TAF3: variants seen among roughly 807,000 people sequenced by gnomAD.
The protein encoded by TAF3 is TATA-box binding protein associated factor 3, also known as transcription initiation factor TFIID subunit 3.
In TAF3, 7 loss-of-function variants were observed where a neutral mutation model predicts 80.6. The observed-to-expected ratio is 0.09, with a 90% CI of 0.05 to 0.16. The LOEUF is 0.16. TAF3 is among the 10% of genes least tolerant of loss of function. The pLI is 1.00. For synonymous variants in TAF3, 444 were observed against 446.1 expected, an observed-to-expected ratio of 1.00 and a Z score of 0.06; for missense variants, 921 against 1,140.2, an observed-to-expected ratio of 0.81 and a Z score of 2.77.
intron 2 of TAF3, among the ~76,000 whole-genome samples, chr10:7,861,022 C>T (rs930928272): frequency 7.3e-5 from 11 of 151,372 alleles, no homozygotes; most frequent in South Asian, 2.1e-4. Flanking sequence ...AGTGCAGTGG[C>T]GCCATCTCGG....
chr10:7,906,138 C>A (rs1419392521), intron 2 of TAF3, among the ~76,000 whole-genome samples: 1 of 152,134 alleles, frequency 6.6e-6, no homozygotes, highest in Non-Finnish European at 1.5e-5. Context: ...TGTGATATTT[C>A]ATCTCTTGTC....
intron 2 of TAF3, among the ~76,000 whole-genome samples, chr10:7,872,981 C>G (rs1198478882): frequency 6.6e-6 from 1 of 151,992 alleles, no homozygotes; most frequent in Non-Finnish European, 1.5e-5. Context: ...TATAATTTAT[C>G]CATAAATCCC....
intron 2 of TAF3, among the ~76,000 whole-genome samples, chr10:7,871,502 G>A (rs576208769): frequency 8.2e-6 from 1 of 122,256 alleles, no homozygotes; most frequent in Admixed American, 1.0e-4. Context: ...AGAGTGCAAT[G>A]GTGTGATCTC....
At chr10:7,985,661 G>A (rs1245742200) in intron 4 of TAF3, among the ~76,000 whole-genome samples, 1 of 152,044 alleles carries the variant, frequency 6.6e-6, no homozygotes, top group Non-Finnish European at 1.5e-5. Context: ...ACATGCAGCA[G>A]CTCTTATTGT....
At chr10:7,992,081 C>T (rs893351551) in intron 4 of TAF3, among the ~76,000 whole-genome samples, 78 of 152,206 alleles carry the variant, frequency 5.1e-4, no homozygotes, top group African/African-American at 1.8e-3. Context: ...CCTCTATAGA[C>T]TGTAGGCTCA....
At chr10:7,969,600 G>A (rs924380829) in intron 3 of TAF3, among the ~76,000 whole-genome samples, 2 of 152,034 alleles carry the variant, frequency 1.3e-5, no homozygotes, top group Admixed American at 6.6e-5. Flanking sequence ...AAAAATAAAT[G>A]CATTTTTAAA....
intron 2 of TAF3, among the ~76,000 whole-genome samples, chr10:7,909,241 G>T (rs570234994): frequency 6.6e-6 from 1 of 152,218 alleles, no homozygotes; most frequent in Admixed American, 6.5e-5. Flanking sequence ...CTGGGGCCCA[G>T]GCTCTGGGTT....
chr10:8,012,708 T>C lies in TAF3; in HGVS notation c.2569-1023T>C, dbSNP rs185605747. ...TTTCTTTAGGAAGTTTTCCTGTCAA[T>C]GTAGTTTGCCTTTGTAGAGTTGCCT... On this transcript the variant is annotated intron_variant, in intron 5 of 6. Transcript: ENST00000344293. Among the ~76,000 whole-genome samples, 7 of 152,324 alleles carry C rather than the reference T, an allele frequency of 4.6e-5. No homozygotes were observed. The East Asian group carries it at 1.3e-3, about 29-fold the overall frequency.
chr10:8,003,860 A>G (rs1008540945), intron 4 of TAF3, among the ~76,000 whole-genome samples: 1 of 152,150 alleles, frequency 6.6e-6, no homozygotes, highest in Non-Finnish European at 1.5e-5. Context: ...ACCCTGGGCA[A>G]CAGAGCAAGA....
chr10:7,965,901 A>G (rs1446901573), intron 3 of TAF3, among the ~76,000 whole-genome samples, 159 bp downstream of exon 3: 1 of 152,202 alleles, frequency 6.6e-6, no homozygotes, highest in African/African-American at 2.4e-5. Context: ...TTTTAATTCT[A>G]AAACCCATAA....
At chr10:7,916,598 A>G (rs1029546401) in intron 2 of TAF3, among the ~76,000 whole-genome samples, 1 of 152,186 alleles carries the variant, frequency 6.6e-6, no homozygotes, top group Non-Finnish European at 1.5e-5. Context: ...CTTGCAAAAG[A>G]CATGTTTTTA....
chr10:7,998,261 ATATG>A (rs530598861), intron 4 of TAF3, among the ~76,000 whole-genome samples: 38 of 58,942 alleles, frequency 6.4e-4, no homozygotes, highest in Middle Eastern at 7.8e-3. Flanking sequence ...ATATATATAT[ATATG>A]TATATATATA....
At chr10:7,824,969 AGTGAGTGAATC>A (rs1274547237) in intron 2 of TAF3, among the ~76,000 whole-genome samples, 8 of 152,240 alleles carry the variant, frequency 5.3e-5, no homozygotes, top group Non-Finnish European at 1.0e-4. Context: ...TACTGGAAAC[AGTGAGTGAATC>A]GTGAGTATTC....
intron 2 of TAF3, among the ~76,000 whole-genome samples, chr10:7,901,499 C>G (rs554022775): frequency 1.5e-4 from 23 of 152,326 alleles, no homozygotes; most frequent in Non-Finnish European, 2.6e-4. Context: ...TTGAAAACTA[C>G]TTTCCTTTGA....
At chr10:7,963,835 ATATT>A in intron 2 of TAF3, 81 bp from the exon 3 acceptor site, 2 of 1,279,048 alleles carry the variant, frequency 1.6e-6, no homozygotes, top group Non-Finnish European at 2.1e-6. Context: ...AAAAGAAATC[ATATT>A]TGAAGCATTG....
At chr10:7,875,644 C>A (rs1248312512) in intron 2 of TAF3, among the ~76,000 whole-genome samples, 1 of 152,090 alleles carries the variant, frequency 6.6e-6, no homozygotes, top group South Asian at 2.1e-4. Flanking sequence ...GGTCCTAATG[C>A]AATATTAAGA....
In TAF3 at chr10:7,963,934, C is replaced by A; in HGVS notation, c.424C>A (p.Gln142Lys). Residue 142 changes from glutamine (Q) to lysine (K), a missense_variant, in exon 3 of 7, where the codon CAG becomes AAG. Coordinates refer to ENST00000344293, the MANE Select transcript of TAF3 (RefSeq NM_031923.4). ...VSSQEEEEEE[Q>K]VPTDGGTSAE... ...TCCTTTACCAGAAGAAGAAGAAGAGCAGGTGCCCACTGATGGAGGCACATC... is the reference window on the plus strand; with the variant it reads ...TCCTTTACCAGAAGAAGAAGAAGAGAAGGTGCCCACTGATGGAGGCACATC... The A allele has an allele frequency of 6.3e-7, 1 of 1,580,526 alleles. No individual in the cohort carries two copies. Among genetic ancestry groups the A allele is most frequent in the Non-Finnish European group, 8.6e-7 (1 of 1,166,368 alleles).
chr10:7,989,366 A>G (rs1201071308), intron 4 of TAF3, among the ~76,000 whole-genome samples: 2 of 152,200 alleles, frequency 1.3e-5, no homozygotes, highest in Admixed American at 6.5e-5. Flanking sequence ...AACCCAGCAG[A>G]TGCCCTGAGC....
At chr10:7,828,767 C>T (rs1836768276) in intron 2 of TAF3, among the ~76,000 whole-genome samples, 1 of 152,044 alleles carries the variant, frequency 6.6e-6, no homozygotes, top group African/African-American at 2.4e-5. Flanking sequence ...GGCGCAGTGG[C>T]TCACACCTGT....
Sources: gnomAD v4.1 joint callset for allele counts (sites outside exome capture counted in the v4.1 genomes callset) on GRCh38, gnomAD v4.1.1 for gene constraint, MANE v1.5 for transcripts, NCBI Gene and HGNC (gene_info 2026-07-23, HGNC 2026-07-21) for gene names.